NBAS: variants seen among roughly 807,000 people sequenced by gnomAD.
NBAS encodes NBAS subunit of NRZ tethering complex.
Under a neutral mutation model 302.5 loss-of-function variants are expected in NBAS, and 219 were observed. The observed-to-expected ratio is 0.72, with a 90% CI of 0.65 to 0.81. The LOEUF (loss-of-function observed/expected upper bound fraction) is 0.81, where lower values mean the gene tolerates loss of function less well. NBAS is among the 30% of genes least tolerant of loss of function. The pLI, the probability that NBAS is intolerant of heterozygous loss-of-function variation, is 0.00. For synonymous variants in NBAS, 1,118 were observed against 1,021.6 expected, an observed-to-expected ratio of 1.09 and a Z score of -1.80; for missense variants, 2,932 against 2,841.6, an observed-to-expected ratio of 1.03 and a Z score of -0.72.
the NBAS span, among the ~76,000 whole-genome samples, chr2:14,888,343 C>T: frequency 2.0e-5 from 3 of 152,046 alleles, no homozygotes; most frequent in Non-Finnish European, 4.4e-5. Flanking sequence ...GTTGGCCAGG[C>T]TGCTCTTGAA....
the NBAS span, among the ~76,000 whole-genome samples, chr2:15,080,590 G>T: frequency 6.6e-6 from 1 of 152,230 alleles, no homozygotes; most frequent in Non-Finnish European, 1.5e-5. Flanking sequence ...CTTGAGCAAG[G>T]CTCAGCTGGG....
downstream of NBAS, among the ~76,000 whole-genome samples, chr2:15,164,799 T>C (rs984059621): frequency 6.6e-6 from 1 of 152,090 alleles, no homozygotes; most frequent in Non-Finnish European, 1.5e-5. Context: ...GATTCTTGAG[T>C]GAATTATTTG....
chr2:15,274,873 TCCTGCCTCAG>T, intron 44 of NBAS, among the ~76,000 whole-genome samples: 1 of 152,060 alleles, frequency 6.6e-6, no homozygotes, highest in East Asian at 1.9e-4. Context: ...CAAGCAATTC[TCCTGCCTCAG>T]CCTCCCGAGT....
intron 35 of NBAS, among the ~76,000 whole-genome samples, chr2:15,332,080 T>A (rs1373650607): frequency 6.6e-6 from 1 of 152,136 alleles, no homozygotes; most frequent in Non-Finnish European, 1.5e-5. Context: ...GGCCAAAGAA[T>A]GTAGGCAGCC....
intron 9 of NBAS, among the ~76,000 whole-genome samples, chr2:15,513,316 A>G (rs952344533): frequency 6.6e-6 from 1 of 152,196 alleles, no homozygotes; most frequent in Non-Finnish European, 1.5e-5. Flanking sequence ...TAGAGCTAAC[A>G]CGTAATTAAC....
At chr2:15,320,752 T>TACAA (rs200012636) in intron 38 of NBAS, among the ~76,000 whole-genome samples, 35,405 of 150,854 alleles carry the variant, frequency 0.23, 4,493 homozygotes, top group Middle Eastern at 0.39. Flanking sequence ...TAAAAGAGGA[T>TACAA]ACAAATGGAA....
At chr2:15,107,626 T>C in the NBAS span, among the ~76,000 whole-genome samples, 2 of 152,162 alleles carry the variant, frequency 1.3e-5, no homozygotes, top group Non-Finnish European at 2.9e-5. Context: ...GCAACATTCA[T>C]TGACCACCTA....
At chr2:14,903,578 G>T in the NBAS span, among the ~76,000 whole-genome samples, 4 of 152,066 alleles carry the variant, frequency 2.6e-5, no homozygotes, top group African/African-American at 4.8e-5. Flanking sequence ...AACAATAGGG[G>T]GTGGAGGAGA....
chr2:15,255,623 T>C (rs775426579), intron 44 of NBAS, among the ~76,000 whole-genome samples: 1 of 152,164 alleles, frequency 6.6e-6, no homozygotes, highest in Non-Finnish European at 1.5e-5. Flanking sequence ...GGTCTTAGCC[T>C]AATCCAATGT....
chr2:15,317,766 G>A lies in NBAS; in HGVS notation c.4583-8519C>T, dbSNP rs145136919. ...GACTATGTGAAAAGACCAAATCTAC[G>A]TTTGATTGGTGTACCTGAAAGTGAC... On this transcript the variant is annotated intron_variant, in intron 38 of 51. Coordinates refer to ENST00000281513, the MANE Select transcript of NBAS (RefSeq NM_015909.4). Among the ~76,000 whole-genome samples the A allele has an allele frequency of 1.8e-3, 281 of 152,300 alleles. No individual in the cohort carries two copies. The Middle Eastern group carries it at 0.024, about 13-fold the overall frequency.
chr2:15,164,115 A>G (rs1323139885), downstream of NBAS, among the ~76,000 whole-genome samples: 1 of 152,204 alleles, frequency 6.6e-6, no homozygotes, highest in African/African-American at 2.4e-5. Flanking sequence ...AAACTCTTGA[A>G]CAGAACAAAG....
chr2:14,889,375 T>C, the NBAS span, among the ~76,000 whole-genome samples: 5,784 of 152,270 alleles, frequency 0.038, 140 homozygotes, highest in Non-Finnish European at 0.051. Flanking sequence ...ATGTTCTAAA[T>C]GAAAATATTT....
chr2:15,542,679 A>C (rs544198309), intron 6 of NBAS, among the ~76,000 whole-genome samples: 8 of 152,176 alleles, frequency 5.3e-5, no homozygotes, highest in Non-Finnish European at 1.0e-4. Context: ...TCAAACTTCA[A>C]AGCAGGCACA....
At chr2:15,406,347 G>A (rs1676415338) in intron 25 of NBAS, among the ~76,000 whole-genome samples, 1 of 152,010 alleles carries the variant, frequency 6.6e-6, no homozygotes, top group Non-Finnish European at 1.5e-5. Context: ...AATAAATGAT[G>A]CTGGAACAAC....
At chr2:15,315,705 T>C (rs1488089405) in intron 38 of NBAS, among the ~76,000 whole-genome samples, 1 of 152,216 alleles carries the variant, frequency 6.6e-6, no homozygotes, top group Non-Finnish European at 1.5e-5. Context: ...GGAATCTCTC[T>C]TCTCAAATCC....
At chr2:15,312,309 C>T (rs1414201671) in intron 38 of NBAS, among the ~76,000 whole-genome samples, 3 of 152,194 alleles carry the variant, frequency 2.0e-5, no homozygotes, top group Middle Eastern at 3.4e-3. Flanking sequence ...GGGTCTCAGT[C>T]TATTGCCCAG....
chr2:15,104,473 C>T, the NBAS span, among the ~76,000 whole-genome samples: 22 of 151,236 alleles, frequency 1.5e-4, 2 homozygotes, highest in South Asian at 4.2e-3. Flanking sequence ...CAGGAGCAAA[C>T]GGTGTTACAG....
chr2:15,298,647 T>C (rs1018097163), intron 40 of NBAS, among the ~76,000 whole-genome samples: 1 of 152,304 alleles, frequency 6.6e-6, no homozygotes, highest in East Asian at 1.9e-4. Context: ...CAAATTAAAT[T>C]TGAGTAAAAA....
At chr2:15,320,848 C>T (rs1399129955) in intron 38 of NBAS, among the ~76,000 whole-genome samples, 2 of 152,030 alleles carry the variant, frequency 1.3e-5, no homozygotes, top group Non-Finnish European at 2.9e-5. Flanking sequence ...CAATGCCATC[C>T]CCATCAAGCT....
Sources: allele counts gnomAD v4.1 joint callset (sites outside exome capture counted in the v4.1 genomes callset), GRCh38; gene constraint gnomAD v4.1.1; transcripts MANE v1.5; gene names NCBI Gene and HGNC (gene_info 2026-07-23, HGNC 2026-07-21).